The following SPIN2A variants were observed in gnomAD, a reference collection of about 807,000 sequenced individuals.
SPIN2A encodes the protein spindlin-2A.
SPIN2A carries 4 observed loss-of-function variants against 9.2 expected under a neutral mutation model. The ratio of observed to expected loss-of-function variants is 0.44; its 90% CI spans 0.21 to 1.00. The LOEUF (loss-of-function observed/expected upper bound fraction) is 1.00, where lower values mean the gene tolerates loss of function less well. Ranked by LOEUF, SPIN2A falls within the 50% of genes least tolerant of loss-of-function variation. The pLI is 0.26. For synonymous variants in SPIN2A, 25 were observed against 61.2 expected, an observed-to-expected ratio of 0.41 and a Z score of 2.76; for missense variants, 77 against 172.8, an observed-to-expected ratio of 0.45 and a Z score of 3.11.
At chrX:57,142,204 T>C (rs1467045940), upstream of SPIN2A, among the ~76,000 whole-genome samples, 12 of 112,351 alleles carry the variant, frequency 1.1e-4, no homozygotes, top group Non-Finnish European at 3.8e-5. Flanking sequence ...AGGTTGTTTA[T>C]TTGAAGTTTT....
At chrX:57,146,850 T>A in the SPIN2A span, among the ~76,000 whole-genome samples, 1 of 112,112 alleles carries the variant, frequency 8.9e-6, no homozygotes, top group African/African-American at 3.2e-5. Flanking sequence ...TAATTCTGTT[T>A]ATGGGGTGTA....
rs765778609 is a variant in SPIN2A, at chrX:57,135,852, A to T, written c.746T>A (p.Ile249Asn). 8.3e-7 allele frequency: 1 copy of T among 1,208,516 alleles called. No homozygotes were observed. Among genetic ancestry groups the T allele is most frequent in the East Asian group, 3.0e-5 (1 of 33,740 alleles). ...CTTTTTCACCAAATCGTAGACATAGATATGGAAATCATCATCAAACTTGAT... is the reference window on the plus strand; with the variant it reads ...CTTTTTCACCAAATCGTAGACATAGTTATGGAAATCATCATCAAACTTGAT... ...YFIKFDDDFH[I>N]YVYDLVKKS Residue 249 changes from isoleucine to asparagine, a missense_variant, in exon 2 of 2, where the codon ATC (isoleucine) becomes AAC (asparagine). Ile to Asn is a moderately radical substitution (Grantham distance 149, BLOSUM62 -3). This residue lies in a region of SPIN2A where 36 missense variants were observed against 47.6 expected (regional missense o/e 0.76). Coordinates refer to ENST00000374906, the MANE Select transcript of SPIN2A (RefSeq NM_019003.5).
the SPIN2A span, among the ~76,000 whole-genome samples, chrX:57,144,614 G>A: frequency 9.1e-6 from 1 of 109,294 alleles, no homozygotes; most frequent in Admixed American, 9.9e-5. Context: ...TTTGGTGCAC[G>A]TATCACCCGA....
the SPIN2A span, among the ~76,000 whole-genome samples, chrX:57,143,408 A>AT: frequency 1.8e-5 from 2 of 110,405 alleles, no homozygotes; most frequent in Admixed American, 1.9e-4. Flanking sequence ...CTTTAACTCC[A>AT]TCCCCCCTTA....
chrX:57,143,729 T>C, the SPIN2A span, among the ~76,000 whole-genome samples: 30 of 111,534 alleles, frequency 2.7e-4, no homozygotes, highest in Admixed American at 2.8e-3. Context: ...TGACCCATCT[T>C]GGTTTCCCAA....
At chrX:57,139,841 C>A (rs1022740650), upstream of SPIN2A, among the ~76,000 whole-genome samples, 2 of 111,581 alleles carry the variant, frequency 1.8e-5, no homozygotes, top group African/African-American at 6.5e-5. Flanking sequence ...CCATTCTGAT[C>A]CTTCTGTAGC....
chrX:57,137,145 G>T, intron 1 of SPIN2A, 115 bp downstream of exon 1: 1 of 762,155 alleles, frequency 1.3e-6, no homozygotes. Context: ...TCCACCCCAT[G>T]TCTCCTGCTG....
Position 57,137,320 on chromosome X carries a change from TGA to T in SPIN2A, c.-68_-67del. 1.3e-6 allele frequency: 1 copy of T among 758,773 alleles called. No homozygotes were observed. The highest frequency in any genetic ancestry group is 1.6e-6 in the Non-Finnish European group (1 of 641,695). 62.5% of individuals were successfully genotyped at this position (758,773 alleles called of 1,213,427 possible). On this transcript the variant is annotated 5_prime_UTR_variant, in exon 1 of 2. Coordinates refer to ENST00000374906, the MANE Select transcript of SPIN2A (RefSeq NM_019003.5). ...GAGGGTCAACAGGCGACTCGCTGAGTGACTGCTTGCAAGAGCGGGGAGGGTAG... is the reference window on the plus strand; with the variant it reads ...GAGGGTCAACAGGCGACTCGCTGAGTCTGCTTGCAAGAGCGGGGAGGGTAG...
the SPIN2A span, among the ~76,000 whole-genome samples, chrX:57,146,159 T>A: frequency 9.0e-6 from 1 of 110,895 alleles, no homozygotes; most frequent in South Asian, 3.8e-4. Context: ...CTTTTAACAG[T>A]ATGGTCTTTT....
At chrX:57,146,937 G>A in the SPIN2A span, among the ~76,000 whole-genome samples, 1 of 111,572 alleles carries the variant, frequency 9.0e-6, no homozygotes, top group Non-Finnish European at 1.9e-5. Flanking sequence ...GGTGGATTAT[G>A]TTTTTGATAT....
At chrX:57,134,950 G>C (rs1474278198), downstream of SPIN2A, 2 of 111,967 alleles carry the variant, frequency 1.8e-5, no homozygotes, top group African/African-American at 3.3e-5. Flanking sequence ...AACCTCCAAT[G>C]CATCTGGCAT....
At chrX:57,145,255 G>GT in the SPIN2A span, among the ~76,000 whole-genome samples, 116 of 60,055 alleles carry the variant, frequency 1.9e-3, no homozygotes, top group African/African-American at 8.3e-3. Flanking sequence ...CATTCTTTTG[G>GT]GGGGGGGTAA....
At chrX:57,142,324 G>C (rs1367727454), upstream of SPIN2A, among the ~76,000 whole-genome samples, 3 of 111,750 alleles carry the variant, frequency 2.7e-5, no homozygotes, top group South Asian at 3.7e-4. Context: ...TTTGTTTCAA[G>C]AAACTTTAAA....
upstream of SPIN2A, among the ~76,000 whole-genome samples, chrX:57,139,802 T>C (rs780000258): frequency 1.9e-4 from 21 of 111,796 alleles, no homozygotes; most frequent in Non-Finnish European, 3.2e-4. Flanking sequence ...ATGCCCCAGC[T>C]TAGTTCTTTT....
the SPIN2A span, among the ~76,000 whole-genome samples, chrX:57,146,382 T>C: frequency 8.9e-6 from 1 of 111,897 alleles, no homozygotes; most frequent in African/African-American, 3.2e-5. Context: ...ACTGTTGGTG[T>C]ATAGCAGAGC....
At chrX:57,142,637 G>T in the SPIN2A span, among the ~76,000 whole-genome samples, 1 of 111,493 alleles carries the variant, frequency 9.0e-6, no homozygotes, top group South Asian at 3.7e-4. Flanking sequence ...TTATGGTGCA[G>T]ATTAAGTCTG....
intron 1 of SPIN2A, 120 bp downstream of exon 1, chrX:57,137,140 C>T (rs1927834606): frequency 1.3e-6 from 1 of 766,615 alleles, no homozygotes; most frequent in South Asian, 6.2e-5. Flanking sequence ...CCAACTCCAC[C>T]CCATGTCTCC....
Position 57,137,336 on chromosome X carries a change from C to G in SPIN2A, c.-82G>C. On this transcript the variant is annotated 5_prime_UTR_variant, in exon 1 of 2. Coordinates refer to ENST00000374906, the MANE Select transcript of SPIN2A (RefSeq NM_019003.5). ...CTCGCTGAGTGACTGCTTGCAAGAG[C>G]GGGGAGGGTAGGATCCATAGATGAG... is the stretch of plus-strand genomic sequence containing the variant. 1 of 758,295 alleles carries G rather than the reference C, an allele frequency of 1.3e-6. No individual in the cohort carries two copies. The highest frequency in any genetic ancestry group is 1.6e-6 in the Non-Finnish European group (1 of 641,469). The allele number at this position is 758,295 out of a possible 1,213,427, so 62.5% of individuals were successfully genotyped here. A position where few individuals can be genotyped will look rare whatever the true frequency, so the allele number is the denominator to read the frequency against.
chrX:57,135,630 A>G, downstream of SPIN2A: 2 of 966,640 alleles, frequency 2.1e-6, no homozygotes, highest in East Asian at 3.4e-5. Flanking sequence ...CAACAAGACA[A>G]AGGGCTTACA....
Sources: allele counts gnomAD v4.1 joint callset (sites outside exome capture counted in the v4.1 genomes callset), GRCh38; gene constraint gnomAD v4.1.1; regional missense constraint gnomAD v4.1.1; transcripts MANE v1.5; gene names NCBI Gene and HGNC (gene_info 2026-07-23, HGNC 2026-07-21).